Variants in SLC18B1 observed in about 807,000 individuals in gnomAD.
SLC18B1 encodes solute carrier family 18 member B1.
A neutral mutation model predicts 53.9 loss-of-function variants in SLC18B1; 62 were observed. The ratio of observed to expected loss-of-function variants is 1.15; its 90% CI spans 0.94 to 1.42. The LOEUF (loss-of-function observed/expected upper bound fraction) is 1.42. SLC18B1 is among the 40% of genes most tolerant of loss of function. The pLI, the probability that SLC18B1 is intolerant of heterozygous loss-of-function variation, is 0.00. For synonymous variants in SLC18B1, 217 were observed against 200.9 expected, an observed-to-expected ratio of 1.08 and a Z score of -0.68; for missense variants, 598 against 547.3, an observed-to-expected ratio of 1.09 and a Z score of -0.93.
At chr6:132,771,820 A>C (rs1177947327) in intron 11 of SLC18B1, among the ~76,000 whole-genome samples, 2 of 152,210 alleles carry the variant, frequency 1.3e-5, no homozygotes, top group African/African-American at 4.8e-5. Flanking sequence ...GGCTGGGCAC[A>C]GTGGCTCATG....
At chr6:132,791,235 AT>A (rs1390506672) in intron 2 of SLC18B1, among the ~76,000 whole-genome samples, 5 of 152,326 alleles carry the variant, frequency 3.3e-5, no homozygotes. Context: ...AGCAGTGAAT[AT>A]TTATGGTCAG....
In SLC18B1 at chr6:132,798,628, C is replaced by T; in HGVS notation, c.-172G>A. ...CCGGCCCGGAGCTCCCCAAAGCCTT[C>T]CAGGACTCTGGGTCCCCGGGAGGAG... On this transcript the variant is annotated 5_prime_UTR_variant, in exon 1 of 14. Coordinates refer to ENST00000275227, the MANE Select transcript of SLC18B1 (RefSeq NM_052831.3). 1.7e-6 allele frequency: 1 copy of T among 586,806 alleles called. No individual in the cohort carries two copies. Among genetic ancestry groups the T allele is most frequent in the Non-Finnish European group, 2.6e-6 (1 of 390,330 alleles). The allele number at this position is 586,806 out of a possible 1,614,324, so 36.3% of individuals were successfully genotyped here.
At chr6:132,788,369 A>AT (rs11423576) in intron 4 of SLC18B1, among the ~76,000 whole-genome samples, 18,559 of 151,540 alleles carry the variant, frequency 0.12, 2,110 homozygotes, top group African/African-American at 0.3. Flanking sequence ...TTAGAATATG[A>AT]TTTTTTTTAA....
Position 132,774,920 on chromosome 6 carries a change from C to T in SLC18B1, c.898-607G>A, listed in dbSNP as rs574953119. On this transcript the variant is annotated intron_variant, in intron 8 of 13. Transcript: ENST00000275227. The stretch of plus-strand genomic sequence containing the variant: ...AGCAAGACTCTGTCTCAAAAAAAAG[C>T]AGTGACCACAAAAAAAACCCACCAA... Among the ~76,000 whole-genome samples the T allele has an allele frequency of 3.3e-5, 5 of 151,990 alleles. No homozygotes were observed. In the East Asian group the frequency reaches 7.7e-4, roughly 24 times the overall value.
chr6:132,779,674 G>A (rs1220049056), intron 6 of SLC18B1, among the ~76,000 whole-genome samples: 1 of 152,162 alleles, frequency 6.6e-6, no homozygotes, highest in African/African-American at 2.4e-5. Context: ...TAGGTTACAG[G>A]TTGTAACAAT....
At chr6:132,778,133 T>C (rs1056983932) in intron 7 of SLC18B1, among the ~76,000 whole-genome samples, 2 of 152,144 alleles carry the variant, frequency 1.3e-5, no homozygotes, top group Non-Finnish European at 2.9e-5. Flanking sequence ...ATCATAAGAC[T>C]CATTGTCCAG....
intron 10 of SLC18B1, 106 bp downstream of exon 10, chr6:132,772,887 T>C (rs1052957671): frequency 1.4e-6 from 1 of 728,198 alleles, no homozygotes. Flanking sequence ...GATTTAACAT[T>C]GGGGCAAAAA....
chr6:132,787,378 G>A (rs1013391512), intron 5 of SLC18B1, 56 bp downstream of exon 5: 1 of 1,447,510 alleles, frequency 6.9e-7, no homozygotes, highest in African/African-American at 1.5e-5. Flanking sequence ...ACTTGGAAGG[G>A]CAAATATTTT....
At chr6:132,791,054 T>A (rs1474710626) in intron 2 of SLC18B1, among the ~76,000 whole-genome samples, 2 of 152,236 alleles carry the variant, frequency 1.3e-5, no homozygotes, top group Admixed American at 6.5e-5. Context: ...AAAAACTTTG[T>A]CAAGTCCCGG....
rs1781487773 is a variant in SLC18B1 at position 132,790,176 on chromosome 6, C to T, written c.279+1G>A. 2 of 1,556,750 alleles carry T rather than the reference C, an allele frequency of 1.3e-6. No homozygotes were observed. The highest frequency in any genetic ancestry group is 4.6e-5 in the East Asian group (2 of 43,040). On this transcript the variant is annotated splice_donor_variant, in intron 3 of 13. Transcript: ENST00000275227. LOFTEE classifies it high-confidence loss of function. ...GATGTGCATATGAACTTTATACTTA[C>T]ATAGTTTCCAAATACCAAGGATGCC...
intron 5 of SLC18B1, among the ~76,000 whole-genome samples, chr6:132,784,542 A>T (rs1191358501): frequency 6.6e-6 from 1 of 152,218 alleles, no homozygotes; most frequent in Non-Finnish European, 1.5e-5. Flanking sequence ...ATCTTTTAGA[A>T]GTTCACCCTC....
intron 10 of SLC18B1, among the ~76,000 whole-genome samples, chr6:132,772,502 T>A (rs1037232747): frequency 6.6e-6 from 1 of 152,178 alleles, no homozygotes; most frequent in Admixed American, 6.5e-5. Context: ...TAAAATGAGA[T>A]GAAGATGGAA....
chr6:132,791,882 G>A (rs977341415), intron 2 of SLC18B1, among the ~76,000 whole-genome samples: 3 of 152,004 alleles, frequency 2.0e-5, no homozygotes. Flanking sequence ...ACTACACACG[G>A]GTCAGGTTCC....
At chr6:132,789,195 T>C (rs1228018662) in intron 4 of SLC18B1, among the ~76,000 whole-genome samples, 1 of 152,166 alleles carries the variant, frequency 6.6e-6, no homozygotes, top group African/African-American at 2.4e-5. Context: ...GAACTGAGCA[T>C]GTGACCTGGC....
At chr6:132,772,726 C>T (rs1363846623) in intron 10 of SLC18B1, among the ~76,000 whole-genome samples, 5 of 152,140 alleles carry the variant, frequency 3.3e-5, no homozygotes, top group Admixed American at 1.3e-4. Context: ...ATCTATTTTG[C>T]TTTAGCTTTT....
chr6:132,797,675 C>T (rs888711086), intron 1 of SLC18B1, among the ~76,000 whole-genome samples: 1 of 152,230 alleles, frequency 6.6e-6, no homozygotes, highest in Non-Finnish European at 1.5e-5. Context: ...GTATTGAAGT[C>T]AAATGAAGTG....
Position 132,770,101 on chromosome 6 carries a change from G to C in SLC18B1, c.*169C>G, listed in dbSNP as rs540779546. 1.6e-5 allele frequency: 8 copies of C among 487,630 alleles called. No homozygotes were observed. Among genetic ancestry groups the C allele is most frequent in the African/African-American group, 1.2e-4 (6 of 49,964 alleles). 30.2% of individuals were successfully genotyped at this position (487,630 alleles called of 1,614,324 possible). A position where few individuals can be genotyped will look rare whatever the true frequency, so the allele number is the denominator to read the frequency against. ...AGCAGGACAGCTTTTCAGTATCACA[G>C]TAAGTACAGCCCAATACAGGATCAT... On this transcript the variant is annotated 3_prime_UTR_variant, in exon 14 of 14. Transcript: ENST00000275227.
chr6:132,792,660 G>C (rs1410331088), intron 2 of SLC18B1, among the ~76,000 whole-genome samples: 2 of 152,138 alleles, frequency 1.3e-5, no homozygotes, highest in Non-Finnish European at 2.9e-5. Context: ...AAAGGTTACA[G>C]GTCATGAGCC....
rs755814938 is a variant in SLC18B1 at position 132,772,177 on chromosome 6, G to T, written c.1115C>A (p.Thr372Lys). 6.3e-7 allele frequency: 1 copy of T among 1,579,950 alleles called. No individual in the cohort carries two copies. The highest frequency in any genetic ancestry group is 1.2e-5 in the South Asian group (1 of 83,978). Residue 372 changes from threonine to lysine, a missense_variant, in exon 11 of 14, where the codon ACA becomes AAA. By Grantham distance (78) the Thr-to-Lys change is moderately conservative. Coordinates refer to ENST00000275227, the MANE Select transcript of SLC18B1 (RefSeq NM_052831.3). Reference protein sequence around the residue: ...HENGFEEGLSTLGLVSGLFSA... With the variant: ...HENGFEEGLSKLGLVSGLFSA... ...AAAAAGACCTGATACAAGTCCCAATGTACTTAATCCCTCTTCAAACCCATT... is the reference window on the plus strand; with the variant it reads ...AAAAAGACCTGATACAAGTCCCAATTTACTTAATCCCTCTTCAAACCCATT...
Sources: gnomAD v4.1 joint callset for allele counts (sites outside exome capture counted in the v4.1 genomes callset) on GRCh38, gnomAD v4.1.1 for gene constraint, MANE v1.5 for transcripts, NCBI Gene and HGNC (gene_info 2026-07-23, HGNC 2026-07-21) for gene names.